TRAIP: variants seen among roughly 807,000 people sequenced by gnomAD.
TRAIP encodes TRAF interacting protein, also known as E3 ubiquitin-protein ligase TRAIP.
A neutral mutation model predicts 65.0 loss-of-function variants in TRAIP; 37 were observed. The ratio of observed to expected loss-of-function variants is 0.57; its 90% CI spans 0.44 to 0.75. The LOEUF is 0.75. Ranked by LOEUF, TRAIP falls within the 30% of genes least tolerant of loss-of-function variation. The probability of loss-of-function intolerance (pLI) is 0.00; values close to 1 mark genes in which losing one functional copy is unlikely to be tolerated. For synonymous variants in TRAIP, 187 were observed against 219.1 expected (o/e 0.85, Z 1.29); for missense variants, 481 against 579.4 (o/e 0.83, Z 1.74).
At position 49,840,978 on chromosome 3, in the gene TRAIP, A is replaced by C; in HGVS notation, c.705+7T>G. The C allele has an allele frequency of 6.2e-7, 1 of 1,613,958 alleles. No individual in the cohort carries two copies. The highest frequency in any genetic ancestry group is 1.7e-5 in the Admixed American group (1 of 60,032). On this transcript the variant is annotated splice_region_variant and intron_variant, in intron 8 of 14. Coordinates refer to ENST00000331456, the MANE Select transcript of TRAIP (RefSeq NM_005879.3). The stretch of plus-strand genomic sequence containing the variant: ...TCTCCTTCAACCTCTGTTCACTGCT[A>C]AGTTACCTTGCTTCTGGAGGAAAAC...
At chr3:49,837,859 G>T (rs906061451) in intron 10 of TRAIP, among the ~76,000 whole-genome samples, 3 of 150,150 alleles carry the variant, frequency 2.0e-5, no homozygotes, top group Non-Finnish European at 4.4e-5. Context: ...TGGGGCTACA[G>T]GTGTGAGCCA....
intron 10 of TRAIP, among the ~76,000 whole-genome samples, chr3:49,838,660 C>A (rs979816753): frequency 2.0e-5 from 3 of 151,964 alleles, no homozygotes; most frequent in Non-Finnish European, 4.4e-5. Context: ...CCCAAGTGGG[C>A]AGATTGCTTG....
In TRAIP at chr3:49,842,514, C is replaced by T; in HGVS notation, c.442G>A (p.Glu148Lys). The T allele has an allele frequency of 6.2e-7, 1 of 1,613,958 alleles. No individual in the cohort carries two copies. The highest frequency in any genetic ancestry group is 8.5e-7 in the Non-Finnish European group (1 of 1,180,016). Residue 148 changes from glutamate to lysine, a missense_variant, in exon 6 of 15, where the codon GAG becomes AAG. Physicochemically the swap from Glu to Lys is moderately conservative, Grantham distance 56. Coordinates refer to ENST00000331456, the MANE Select transcript of TRAIP (RefSeq NM_005879.3). ...GCCTCCTCTTGTGCTTGTTTGGTCTCATCCTGCTGCTGCTCTAAGTACTTC... is the reference window on the plus strand; with the variant it reads ...GCCTCCTCTTGTGCTTGTTTGGTCTTATCCTGCTGCTGCTCTAAGTACTTC... ...QMKYLEQQQD[E>K]TKQAQEEARR...
In TRAIP at chr3:49,842,001, G is replaced by A. The variant is rs903367502; in HGVS notation, c.504-62C>T. 4.5e-6 allele frequency: 6 copies of A among 1,320,038 alleles called. No homozygotes were observed. In the African/African-American group the frequency reaches 7.3e-5, roughly 16 times the overall value. The allele number at this position is 1,320,038 out of a possible 1,614,324, so 81.8% of individuals were successfully genotyped here. On this transcript the variant is annotated intron_variant, in intron 6 of 14. Transcript: ENST00000331456. ...GGAGGCTGATGGGTAGGTACCCAGT[G>A]CCGCTCTGCCTTCCTTTGCTGCCGT... is the stretch of plus-strand genomic sequence containing the variant.
rs538730118 is a variant in TRAIP at position 49,842,386 on chromosome 3, C to A, written c.503+67G>T. On this transcript the variant is annotated intron_variant, in intron 6 of 14. Transcript: ENST00000331456. ...CCCAATCCCACTCCCTGCTGCAGTC[C>A]TAAGAACTGTACCACTTGCAGGCCC... 4 of 1,515,838 alleles carry A rather than the reference C, an allele frequency of 2.6e-6. No homozygotes were observed. The African/African-American group carries it at 4.1e-5, about 16-fold the overall frequency. 93.9% of individuals were successfully genotyped at this position (1,515,838 alleles called of 1,614,324 possible).
chr3:49,833,478 T>A (rs1302418528), intron 10 of TRAIP, among the ~76,000 whole-genome samples: 1 of 148,262 alleles, frequency 6.7e-6, no homozygotes. Flanking sequence ...TCTCTTAGAC[T>A]GTTTCTTTTT....
rs534802816 is a variant in TRAIP, at chr3:49,835,156, C to A, written c.885-3088G>T. On this transcript the variant is annotated intron_variant, in intron 10 of 14. Coordinates refer to ENST00000331456, the MANE Select transcript of TRAIP (RefSeq NM_005879.3). ...CCAGGGGGTGGAGGTTGCAGTGAGC[C>A]GAGATCGTGCCACTGCACTCCAGCC... Among the ~76,000 whole-genome samples, 18 of 152,176 alleles carry A rather than the reference C, an allele frequency of 1.2e-4. 1 individual carries two copies. The South Asian group carries it at 3.3e-3, about 28-fold the overall frequency.
intron 10 of TRAIP, among the ~76,000 whole-genome samples, chr3:49,838,233 G>A (rs1414842123): frequency 6.6e-6 from 1 of 152,152 alleles, no homozygotes; most frequent in Non-Finnish European, 1.5e-5. Flanking sequence ...ATCCTCATGT[G>A]GCTTGATGAG....
chr3:49,849,960 C>T (rs764771289), intron 1 of TRAIP, among the ~76,000 whole-genome samples: 1 of 150,816 alleles, frequency 6.6e-6, no homozygotes, highest in Non-Finnish European at 1.5e-5. Context: ...AATCCTCCCA[C>T]CTCAGCCTCC....
At chr3:49,840,508 A>G in intron 8 of TRAIP, 135 bp from the exon 9 acceptor site, 1 of 701,864 alleles carries the variant, frequency 1.4e-6, no homozygotes, top group South Asian at 1.7e-5. Flanking sequence ...CAGCTCTCTG[A>G]GGCTAGGCCT....
Position 49,847,996 on chromosome 3 carries a change from C to G in TRAIP, c.156+147G>C. On this transcript the variant is annotated intron_variant, in intron 2 of 14. Coordinates refer to ENST00000331456, the MANE Select transcript of TRAIP (RefSeq NM_005879.3). ...GGTGTAAGCAGACCTCCCAAACACT[C>G]AAGGGCACAAGTGAGGCTCAACTGG... The G allele has an allele frequency of 4.7e-6, 4 of 855,512 alleles. No homozygotes were observed. In the South Asian group the frequency reaches 6.6e-5, roughly 14 times the overall value. The allele number at this position is 855,512 out of a possible 1,614,324, so 53.0% of individuals were successfully genotyped here.
At chr3:49,829,548 G>A in intron 13 of TRAIP, 40 bp from the exon 14 acceptor site, 1 of 1,614,078 alleles carries the variant, frequency 6.2e-7, no homozygotes, top group Non-Finnish European at 8.5e-7. Flanking sequence ...AGGCTAATGG[G>A]CTGGGGGGCT....
chr3:49,852,872 G>A (rs905953048), intron 1 of TRAIP, among the ~76,000 whole-genome samples: 11 of 151,786 alleles, frequency 7.2e-5, no homozygotes, highest in South Asian at 2.1e-4. Context: ...CTGTAATCCC[G>A]GCACTTTGGG....
At chr3:49,837,862 G>T (rs2081802317) in intron 10 of TRAIP, among the ~76,000 whole-genome samples, 1 of 149,132 alleles carries the variant, frequency 6.7e-6, no homozygotes, top group Non-Finnish European at 1.5e-5. Flanking sequence ...GGCTACAGGT[G>T]TGAGCCACCA....
At chr3:49,854,375 T>G (rs762396118) in intron 1 of TRAIP, among the ~76,000 whole-genome samples, 15 of 152,150 alleles carry the variant, frequency 9.9e-5, no homozygotes, top group Non-Finnish European at 1.5e-5. Flanking sequence ...ATTAAAATAT[T>G]CAACAATAAC....
intron 3 of TRAIP, among the ~76,000 whole-genome samples, chr3:49,846,500 G>C (rs1288600125): frequency 6.6e-6 from 1 of 152,166 alleles, no homozygotes; most frequent in Non-Finnish European, 1.5e-5. Context: ...GATGGCTGTA[G>C]GTTCTTTAAA....
At chr3:49,842,332 G>A (rs1255158847) in intron 6 of TRAIP, 121 bp downstream of exon 6, 1 of 948,770 alleles carries the variant, frequency 1.1e-6, no homozygotes, top group African/African-American at 1.6e-5. Flanking sequence ...GCCCTCCATG[G>A]CCTATGGAGA....
intron 10 of TRAIP, among the ~76,000 whole-genome samples, chr3:49,832,277 G>A (rs1326044052): frequency 2.0e-5 from 3 of 152,048 alleles, no homozygotes; most frequent in Admixed American, 6.6e-5. Context: ...TGGATCAAGC[G>A]GTCAAGAGAT....
At chr3:49,847,870 T>C (rs950868540) in intron 2 of TRAIP, among the ~76,000 whole-genome samples, 2 of 152,204 alleles carry the variant, frequency 1.3e-5, no homozygotes, top group African/African-American at 2.4e-5. Context: ...ACCTGAACTC[T>C]AGGTGCGGAG....
Sources: gnomAD v4.1 joint callset for allele counts (sites outside exome capture counted in the v4.1 genomes callset) on GRCh38, gnomAD v4.1.1 for gene constraint, MANE v1.5 for transcripts, NCBI Gene and HGNC (gene_info 2026-07-23, HGNC 2026-07-21) for gene names.